The following FAT3 variants were observed in gnomAD, a reference collection of about 807,000 sequenced individuals.
The protein encoded by FAT3 is FAT atypical cadherin 3.
In FAT3, 95 loss-of-function variants were observed where a neutral mutation model predicts 310.2. The ratio of observed to expected loss-of-function variants is 0.31; its 90% confidence interval spans 0.26 to 0.36. The LOEUF is 0.36. Ranked by LOEUF, FAT3 falls within the 10% of genes least tolerant of loss-of-function variation. FAT3 has a pLI of 1.00. For missense variants in FAT3, 5,408 were observed against 5,715.6 expected (o/e 0.95, Z 1.74); for synonymous variants, 2,314 against 2,192.9 (o/e 1.06, Z -1.54).
At chr11:92,697,296 C>A in intron 3 of FAT3, 88 bp from the exon 4 acceptor site, 1 of 1,181,694 alleles carries the variant, frequency 8.5e-7, no homozygotes. Flanking sequence ...ACCACTTTTG[C>A]TTTTCCTTTA....
At chr11:92,487,674 T>C (rs1374560933) in intron 2 of FAT3, among the ~76,000 whole-genome samples, 1 of 152,184 alleles carries the variant, frequency 6.6e-6, no homozygotes, top group Non-Finnish European at 1.5e-5. Context: ...ATCTAGAAAA[T>C]GGCAGAGACT....
intron 4 of FAT3, among the ~76,000 whole-genome samples, chr11:92,743,194 G>T (rs1945558277): frequency 6.6e-6 from 1 of 152,172 alleles, no homozygotes; most frequent in African/African-American, 2.4e-5. Flanking sequence ...TCCAAGAGGG[G>T]TTTATAATAT....
At chr11:92,485,760 C>G (rs1952362341) in intron 2 of FAT3, among the ~76,000 whole-genome samples, 1 of 152,144 alleles carries the variant, frequency 6.6e-6, no homozygotes, top group Admixed American at 6.5e-5. Flanking sequence ...GGAAACAGTG[C>G]TCAATTGCAA....
intron 3 of FAT3, among the ~76,000 whole-genome samples, chr11:92,695,306 G>T (rs1451500390): frequency 6.6e-6 from 1 of 152,112 alleles, no homozygotes; most frequent in Non-Finnish European, 1.5e-5. Flanking sequence ...GTAAATGAGG[G>T]ATGGAGCAGG....
chr11:92,307,682 C>T (rs1287239790), intron 1 of FAT3, among the ~76,000 whole-genome samples: 3 of 152,106 alleles, frequency 2.0e-5, no homozygotes, highest in Non-Finnish European at 4.4e-5. Context: ...CAAGAAGAGG[C>T]AAATTTTGCA....
At chr11:92,889,025 C>A (rs770825198) in intron 25 of FAT3, among the ~76,000 whole-genome samples, 164 bp from the exon 26 acceptor site, 8 of 152,172 alleles carry the variant, frequency 5.3e-5, no homozygotes, top group Non-Finnish European at 1.2e-4. Context: ...ATAAAGGTGT[C>A]CACTGATACA....
rs576467843 is a variant in FAT3, at chr11:92,722,079, C to T, written c.3669+24634C>T. 2.5e-3 allele frequency among the ~76,000 whole-genome samples: 379 copies of T among 152,200 alleles called. 3 individuals carry two copies. The highest frequency in any genetic ancestry group is 0.019 in the South Asian group (90 of 4,816). On this transcript the variant is annotated intron_variant, in intron 4 of 27. Transcript: ENST00000525166. ...CAATTATGACTTCTCAACAGTCCCC[C>T]AAAGTCAACTCATTTCAGCATTAAC...
chr11:92,642,744 C>T (rs4753412), intron 3 of FAT3, among the ~76,000 whole-genome samples: 39,839 of 152,180 alleles, frequency 0.26, 5,987 homozygotes, highest in Non-Finnish European at 0.33. Context: ...ACTGACACTT[C>T]CCTCCAGCTG....
intron 4 of FAT3, among the ~76,000 whole-genome samples, chr11:92,741,315 G>A (rs1010077746): frequency 4.0e-5 from 6 of 151,796 alleles, no homozygotes; most frequent in Non-Finnish European, 7.4e-5. Context: ...TGCTGGTGTT[G>A]AACTACCACA....
rs1025269411 is a variant in FAT3, at chr11:92,432,172, G to C, written c.3292+76768G>C. ...ATTTGTTTGTATCCTCTTTTATTTC[G>C]TTGAGCAGTGGTTTGTAGTTCTCCT... On this transcript the variant is annotated intron_variant, in intron 2 of 27. Coordinates refer to ENST00000525166, the MANE Select transcript of FAT3 (RefSeq NM_001367949.2). 3.6e-4 allele frequency among the ~76,000 whole-genome samples: 55 copies of C among 152,084 alleles called. No individual in the cohort carries two copies. The South Asian group carries it at 9.0e-3, about 25-fold the overall frequency.
At chr11:92,774,471 C>T (rs1946545484) in intron 7 of FAT3, among the ~76,000 whole-genome samples, 2 of 152,138 alleles carry the variant, frequency 1.3e-5, no homozygotes, top group Admixed American at 6.5e-5. Flanking sequence ...GTCAACTTTC[C>T]TTGAATTTAC....
At chr11:92,530,024 A>G (rs1954014550) in intron 3 of FAT3, among the ~76,000 whole-genome samples, 1 of 152,208 alleles carries the variant, frequency 6.6e-6, no homozygotes, top group Non-Finnish European at 1.5e-5. Context: ...ACCTTTAAGT[A>G]TTGATTACTC....
chr11:92,693,353 A>C (rs552911989), intron 3 of FAT3, among the ~76,000 whole-genome samples: 2 of 152,232 alleles, frequency 1.3e-5, no homozygotes, highest in South Asian at 4.1e-4. Context: ...GTGGGTCTAC[A>C]GTTACATGTG....
intron 1 of FAT3, among the ~76,000 whole-genome samples, chr11:92,299,182 G>C (rs1297713824): frequency 1.3e-5 from 2 of 152,008 alleles, no homozygotes; most frequent in African/African-American, 4.8e-5. Flanking sequence ...TACTTATAAT[G>C]GTGGGGTACA....
intron 4 of FAT3, among the ~76,000 whole-genome samples, chr11:92,750,244 C>G (rs1945792941): frequency 6.6e-6 from 1 of 152,128 alleles, no homozygotes; most frequent in Non-Finnish European, 1.5e-5. Flanking sequence ...GCTCTGTCTT[C>G]TACCTTAGAA....
intron 23 of FAT3, 29 bp downstream of exon 23, chr11:92,880,913 C>G (rs2136399878): frequency 6.2e-7 from 1 of 1,603,922 alleles, no homozygotes; most frequent in Non-Finnish European, 8.5e-7. Flanking sequence ...GTGTCTTTCT[C>G]TACACTGTTC....
chr11:92,849,334 G>A (rs564345696), intron 19 of FAT3, among the ~76,000 whole-genome samples: 1 of 152,276 alleles, frequency 6.6e-6, no homozygotes, highest in South Asian at 2.1e-4. Flanking sequence ...TCCTGGCATA[G>A]TAATTCAGCC....
chr11:92,482,804 C>T (rs1263450083), intron 2 of FAT3, among the ~76,000 whole-genome samples: 1 of 152,186 alleles, frequency 6.6e-6, no homozygotes, highest in Non-Finnish European at 1.5e-5. Flanking sequence ...CCTGACACTG[C>T]ATTCCTGGCA....
intron 1 of FAT3, among the ~76,000 whole-genome samples, chr11:92,308,478 G>GA (rs1175408850): frequency 1.3e-5 from 2 of 151,924 alleles, no homozygotes; most frequent in Admixed American, 6.6e-5. Flanking sequence ...CAAAACCAGA[G>GA]AAAAAAATAC....
Sources: allele counts gnomAD v4.1 joint callset (sites outside exome capture counted in the v4.1 genomes callset), GRCh38; gene constraint gnomAD v4.1.1; transcripts MANE v1.5; gene names NCBI Gene and HGNC (gene_info 2026-07-23, HGNC 2026-07-21).